Variants in GRK5 observed in about 807,000 individuals in gnomAD.
GRK5 encodes the protein G protein-coupled receptor kinase 5, also known as g protein-coupled receptor kinase GRK5.
A neutral mutation model predicts 78.4 loss-of-function variants in GRK5; 40 were observed. The observed-to-expected ratio is 0.51, with a 90% CI of 0.40 to 0.66. The LOEUF (loss-of-function observed/expected upper bound fraction) is 0.66, where lower values mean the gene tolerates loss of function less well. GRK5 is among the 30% of genes least tolerant of loss of function. The probability of loss-of-function intolerance (pLI) is 0.00; values close to 1 mark genes in which losing one functional copy is unlikely to be tolerated. For missense variants in GRK5, 598 were observed against 759.9 expected, an observed-to-expected ratio of 0.79 and a Z score of 2.50; for synonymous variants, 289 against 296.8, an observed-to-expected ratio of 0.97 and a Z score of 0.27.
intron 10 of GRK5, among the ~76,000 whole-genome samples, chr10:119,441,755 G>A (rs541180242): frequency 4.6e-5 from 7 of 152,312 alleles, no homozygotes; most frequent in Admixed American, 1.3e-4. Flanking sequence ...ACGTCCAGCC[G>A]GGTCCAGGCA....
At chr10:119,424,600 G>A (rs984418634) in intron 5 of GRK5, among the ~76,000 whole-genome samples, 3 of 112,660 alleles carry the variant, frequency 2.7e-5, no homozygotes, top group Non-Finnish European at 3.7e-5. Flanking sequence ...TTAAGTCTTC[G>A]TCTGTTCTCA....
chr10:119,368,925 A>G (rs1851498027), intron 2 of GRK5, among the ~76,000 whole-genome samples: 1 of 152,230 alleles, frequency 6.6e-6, no homozygotes, highest in African/African-American at 2.4e-5. Context: ...GCAGAGCATC[A>G]GGAGAACGTG....
intron 1 of GRK5, among the ~76,000 whole-genome samples, chr10:119,281,024 C>T (rs950611584): frequency 6.6e-6 from 1 of 151,954 alleles, no homozygotes; most frequent in Admixed American, 6.6e-5. Flanking sequence ...ATGATCCACA[C>T]GCCTTGGCCT....
At chr10:119,290,619 A>G (rs1455399623) in intron 1 of GRK5, among the ~76,000 whole-genome samples, 1 of 151,654 alleles carries the variant, frequency 6.6e-6, no homozygotes, top group African/African-American at 2.4e-5. Context: ...AGCCATTCCC[A>G]AGGACTCACA....
intron 1 of GRK5, among the ~76,000 whole-genome samples, chr10:119,219,296 C>G (rs1391904267): frequency 1.3e-5 from 2 of 152,162 alleles, no homozygotes. Flanking sequence ...TCACTGCAGC[C>G]TTGGCCTCCT....
intron 4 of GRK5, among the ~76,000 whole-genome samples, chr10:119,419,114 C>G (rs1040722099): frequency 2.0e-5 from 3 of 152,170 alleles, no homozygotes; most frequent in African/African-American, 7.2e-5. Flanking sequence ...TAGGGTTCCC[C>G]CCTCTCCCTT....
chr10:119,398,158 C>G (rs929192493), intron 4 of GRK5, among the ~76,000 whole-genome samples: 2 of 152,152 alleles, frequency 1.3e-5, no homozygotes, highest in Non-Finnish European at 2.9e-5. Context: ...TGGACACAGA[C>G]GAGGAGACGT....
chr10:119,454,112 C>T (rs906008452), intron 15 of GRK5, among the ~76,000 whole-genome samples: 6 of 152,342 alleles, frequency 3.9e-5, no homozygotes, highest in African/African-American at 1.2e-4. Context: ...AGGATGGACA[C>T]ACTCAGCCAG....
Sources: allele counts gnomAD v4.1 joint callset (sites outside exome capture counted in the v4.1 genomes callset), GRCh38; gene constraint gnomAD v4.1.1; transcripts MANE v1.5; gene names NCBI Gene and HGNC (gene_info 2026-07-23, HGNC 2026-07-21).